Variants in FILIP1 observed in about 807,000 individuals in gnomAD.
The protein encoded by FILIP1 is filamin-A-interacting protein 1.
In FILIP1, 61 loss-of-function variants were observed where a neutral mutation model predicts 102.1. That is an observed-to-expected ratio of 0.60 (90% CI 0.49 to 0.74). The LOEUF is 0.74. Among genes scored for constraint, FILIP1 ranks in the 30% least tolerant of loss-of-function variants. FILIP1 has a pLI of 0.00. For missense variants in FILIP1, 1,314 were observed against 1,441.2 expected, an observed-to-expected ratio of 0.91 and a Z score of 1.43; for synonymous variants, 491 against 526.9, an observed-to-expected ratio of 0.93 and a Z score of 0.93.
intron 2 of FILIP1, among the ~76,000 whole-genome samples, chr6:75,396,418 C>T (rs1024083049): frequency 6.6e-5 from 10 of 152,186 alleles, no homozygotes; most frequent in Middle Eastern, 3.4e-3. Flanking sequence ...TGAAGTAAAG[C>T]GGTGGCAGTG....
intron 4 of FILIP1, among the ~76,000 whole-genome samples, chr6:75,344,270 A>T (rs746038415): frequency 4.6e-5 from 7 of 152,132 alleles, no homozygotes; most frequent in Non-Finnish European, 7.3e-5. Flanking sequence ...CCACCATCAA[A>T]CAGCACATGC....
intron 6 of FILIP1, among the ~76,000 whole-genome samples, chr6:75,297,589 A>G (rs893561183): frequency 6.4e-4 from 98 of 152,280 alleles, no homozygotes; most frequent in African/African-American, 2.3e-3. Flanking sequence ...TCATTGAAAA[A>G]ATATTCCAGC....
intron 5 of FILIP1, among the ~76,000 whole-genome samples, chr6:75,310,418 T>G (rs1773143289): frequency 6.6e-6 from 1 of 152,234 alleles, no homozygotes; most frequent in Non-Finnish European, 1.5e-5. Flanking sequence ...CAACAAATGT[T>G]GAATGAATAA....
At chr6:75,413,495 A>T (rs1312476947) in intron 2 of FILIP1, among the ~76,000 whole-genome samples, 1 of 152,014 alleles carries the variant, frequency 6.6e-6, no homozygotes, top group African/African-American at 2.4e-5. Flanking sequence ...TTTAAACTTG[A>T]GTTTTGTATG....
At chr6:75,383,903 A>G (rs2149645464) in intron 2 of FILIP1, among the ~76,000 whole-genome samples, 2 of 152,288 alleles carry the variant, frequency 1.3e-5, no homozygotes, top group Middle Eastern at 6.8e-3. Context: ...CAATCTTAAT[A>G]TTATACTTTA....
intron 1 of FILIP1, among the ~76,000 whole-genome samples, chr6:75,435,743 T>G (rs1777997218): frequency 6.6e-6 from 1 of 152,166 alleles, no homozygotes; most frequent in Admixed American, 6.5e-5. Flanking sequence ...CTGAGTGACT[T>G]TTCCCGTCAT....
chr6:75,356,532 G>A (rs180902832), intron 3 of FILIP1, among the ~76,000 whole-genome samples: 6 of 151,064 alleles, frequency 4.0e-5, no homozygotes, highest in Admixed American at 6.6e-5. Context: ...GCAATGGCAC[G>A]ATCTTGGCTC....
intron 1 of FILIP1, among the ~76,000 whole-genome samples, chr6:75,472,860 T>C (rs912595999): frequency 6.6e-6 from 1 of 152,180 alleles, no homozygotes; most frequent in Non-Finnish European, 1.5e-5. Flanking sequence ...AGAGACATAA[T>C]GTAAAGTATG....
At chr6:75,293,946 A>T (rs1253032122) in exon 7 of FILIP1, 2 of 152,168 alleles carry the variant, frequency 1.3e-5, no homozygotes, top group Non-Finnish European at 2.9e-5. Context: ...AAAAAATCAC[A>T]CATACACACT....
At chr6:75,321,218 TTTTTG>T (rs1318083583) in intron 4 of FILIP1, among the ~76,000 whole-genome samples, 1 of 152,132 alleles carries the variant, frequency 6.6e-6, no homozygotes, top group Non-Finnish European at 1.5e-5. Flanking sequence ...TGTTGTCGTT[TTTTTG>T]TTTTGTTTTG....
rs780605345 is a variant in FILIP1 at position 75,315,185 on chromosome 6, T to G, written c.647A>C (p.Glu216Ala). The G allele has an allele frequency of 9.3e-5, 144 of 1,547,802 alleles. No homozygotes were observed. The Middle Eastern group carries it at 1.2e-3, about 13-fold the overall frequency. ...QERERLKKLL[E>A]QEKAYQARKE... ...GCGGGCTTGATAAGCCTTTTCTTGTTCAAGGAGCTTTTTTAACCTAGAAAA... is the reference window on the plus strand; with the variant it reads ...GCGGGCTTGATAAGCCTTTTCTTGTGCAAGGAGCTTTTTTAACCTAGAAAA... Residue 216 changes from glutamate to alanine, a missense_variant, in exon 5 of 6, where the codon GAA (glutamate) becomes GCA (alanine). Glu to Ala is a moderately radical substitution (Grantham distance 107). Transcript: ENST00000237172.
At chr6:75,377,745 GCTT>G (rs1367375731) in intron 2 of FILIP1, among the ~76,000 whole-genome samples, 3 of 152,198 alleles carry the variant, frequency 2.0e-5, no homozygotes. Context: ...AATTTATTGT[GCTT>G]CTTCTTTTCA....
At chr6:75,327,659 T>C (rs1773916511) in intron 4 of FILIP1, among the ~76,000 whole-genome samples, 1 of 151,334 alleles carries the variant, frequency 6.6e-6, no homozygotes. Context: ...TTTAAGAAAC[T>C]AGTTTGTTTT....
chr6:75,416,003 C>G (rs1777255911), intron 1 of FILIP1, among the ~76,000 whole-genome samples: 1 of 152,072 alleles, frequency 6.6e-6, no homozygotes. Context: ...TTGCCTAAAC[C>G]CTTAAATATA....
Position 75,436,783 on chromosome 6 carries a change from A to C in FILIP1, c.-6-21805T>G, listed in dbSNP as rs560102987. On this transcript the variant is annotated intron_variant, in intron 1 of 5. Transcript: ENST00000237172. ...AAATCCTCTGTATTTAGGTCAAGAC[A>C]AACAATGGGAAATGATGTGCTGGTA... 5.2e-3 allele frequency among the ~76,000 whole-genome samples: 798 copies of C among 152,342 alleles called. 6 individuals are homozygous for C. The highest frequency in any genetic ancestry group is 0.019 in the African/African-American group (772 of 41,578).
At chr6:75,392,863 C>G (rs576053771) in intron 2 of FILIP1, among the ~76,000 whole-genome samples, 21 of 152,178 alleles carry the variant, frequency 1.4e-4, no homozygotes, top group Non-Finnish European at 2.9e-4. Context: ...TCTCTCTTTG[C>G]CTGGTGCCAT....
intron 2 of FILIP1, among the ~76,000 whole-genome samples, chr6:75,405,231 T>C (rs1776799767): frequency 6.6e-6 from 1 of 152,158 alleles, no homozygotes; most frequent in Non-Finnish European, 1.5e-5. Flanking sequence ...TTTTTAAAAA[T>C]CCCATGTTTC....
chr6:75,462,918 T>C (rs1779065742), intron 1 of FILIP1, among the ~76,000 whole-genome samples: 3 of 152,142 alleles, frequency 2.0e-5, no homozygotes, highest in Admixed American at 2.0e-4. Context: ...TGGGAAAGTC[T>C]GGGATAGGGG....
At chr6:75,479,211 T>G (rs1466692917) in intron 1 of FILIP1, among the ~76,000 whole-genome samples, 1 of 152,168 alleles carries the variant, frequency 6.6e-6, no homozygotes, top group Non-Finnish European at 1.5e-5. Flanking sequence ...TTGAGAACAA[T>G]AGGAGGAAGA....
Sources: gnomAD v4.1 joint callset for allele counts (sites outside exome capture counted in the v4.1 genomes callset) on GRCh38, gnomAD v4.1.1 for gene constraint, MANE v1.5 for transcripts, NCBI Gene and HGNC (gene_info 2026-07-23, HGNC 2026-07-21) for gene names.